The following GPR39 variants were observed in gnomAD, a reference collection of about 807,000 sequenced individuals.
GPR39 encodes zinc sensing receptor.
A neutral mutation model predicts 18.4 loss-of-function variants in GPR39; 23 were observed. The observed-to-expected ratio is 1.25, with a 90% confidence interval of 0.90 to 1.77. GPR39 has a LOEUF of 1.77. Among genes scored for constraint, GPR39 ranks in the 40% most tolerant of loss-of-function variants. The pLI, the probability that GPR39 is intolerant of heterozygous loss-of-function variation, is 0.00. For missense variants in GPR39, 647 were observed against 602.4 expected (o/e 1.07, Z -0.78); for synonymous variants, 280 against 257.9 (o/e 1.09, Z -0.82).
intron 1 of GPR39, among the ~76,000 whole-genome samples, chr2:132,462,500 C>T (rs1680852297): frequency 6.6e-6 from 1 of 152,312 alleles, no homozygotes; most frequent in African/African-American, 2.4e-5. Flanking sequence ...TCAAGGCCCT[C>T]CTGATTTTAC....
At chr2:132,610,564 G>A (rs755336737) in intron 1 of GPR39, among the ~76,000 whole-genome samples, 3 of 152,002 alleles carry the variant, frequency 2.0e-5, no homozygotes, top group Admixed American at 6.6e-5. Flanking sequence ...ATCACTTGAG[G>A]TCAGGAGTTC....
chr2:132,585,102 A>G (rs1280612193), intron 1 of GPR39, among the ~76,000 whole-genome samples: 1 of 152,182 alleles, frequency 6.6e-6, no homozygotes, highest in Non-Finnish European at 1.5e-5. Flanking sequence ...CCCCTGGTAT[A>G]TTAAATAGTA....
At chr2:132,641,711 C>G (rs1255396987) in intron 1 of GPR39, among the ~76,000 whole-genome samples, 3 of 152,096 alleles carry the variant, frequency 2.0e-5, no homozygotes, top group Non-Finnish European at 4.4e-5. Flanking sequence ...TGTTTTCACC[C>G]ATCTCTTTTT....
chr2:132,532,796 C>T (rs1679665668), intron 1 of GPR39, among the ~76,000 whole-genome samples: 1 of 146,924 alleles, frequency 6.8e-6, no homozygotes. Context: ...AATTCAACAA[C>T]CCTTCATGCT....
intron 1 of GPR39, among the ~76,000 whole-genome samples, chr2:132,582,321 C>T (rs760876818): frequency 3.3e-5 from 5 of 152,222 alleles, no homozygotes; most frequent in Admixed American, 6.5e-5. Context: ...AAAGATCCTC[C>T]GTGAGCTGCT....
intron 1 of GPR39, among the ~76,000 whole-genome samples, chr2:132,640,477 G>C (rs1233891990): frequency 6.6e-6 from 1 of 152,214 alleles, no homozygotes. Flanking sequence ...GTGCAAGGCT[G>C]TCTGGAGTAT....
Position 132,645,577 on chromosome 2 carries a change from G to T in GPR39, c.1333G>T (p.Glu445Ter). 6.2e-7 allele frequency: 1 copy of T among 1,613,954 alleles called. No homozygotes were observed. Among genetic ancestry groups the T allele is most frequent in the South Asian group, 1.1e-5 (1 of 91,048 alleles). Residue 445 changes from glutamate (E) to a stop codon, truncating the protein, a stop_gained, in exon 2 of 2, where the codon GAG becomes TAG. Transcript: ENST00000329321. LOFTEE classifies it high-confidence loss of function. Reference protein sequence around the residue: ...SGAKPANSAAENGFQEHEV With the variant: ...SGAKPANSAA ...CGCGAAACCAGCCAATTCTGCTGCA[G>T]AGAATGGTTTTCAGGAGCATGAAGT...
At chr2:132,469,154 T>G (rs1263090428) in intron 1 of GPR39, among the ~76,000 whole-genome samples, 1 of 152,202 alleles carries the variant, frequency 6.6e-6, no homozygotes, top group African/African-American at 2.4e-5. Context: ...GGGTGGAGCC[T>G]CCTCTTGCCC....
At chr2:132,539,508 C>T (rs1194028185) in intron 1 of GPR39, among the ~76,000 whole-genome samples, 1 of 152,142 alleles carries the variant, frequency 6.6e-6, no homozygotes, top group Non-Finnish European at 1.5e-5. Context: ...GTCATTGTGG[C>T]CCCCACTATG....
At chr2:132,599,226 C>T (rs7426245) in intron 1 of GPR39, among the ~76,000 whole-genome samples, 33,203 of 152,112 alleles carry the variant, frequency 0.22, 3,900 homozygotes, top group African/African-American at 0.28. Flanking sequence ...GGATTTTCTT[C>T]TCTTTGGGAC....
chr2:132,608,613 C>T (rs1681183020), intron 1 of GPR39, among the ~76,000 whole-genome samples: 1 of 152,220 alleles, frequency 6.6e-6, no homozygotes, highest in Admixed American at 6.5e-5. Context: ...GATGCCGCTG[C>T]TTCTTGGAAC....
At chr2:132,534,220 C>CA in intron 1 of GPR39, among the ~76,000 whole-genome samples, 1 of 151,930 alleles carries the variant, frequency 6.6e-6, no homozygotes, top group Non-Finnish European at 1.5e-5. Context: ...TTTATGCAGC[C>CA]AAAAAACACA....
chr2:132,545,352 A>C (rs748533509), intron 1 of GPR39, among the ~76,000 whole-genome samples: 46 of 152,236 alleles, frequency 3.0e-4, no homozygotes, highest in Non-Finnish European at 5.4e-4. Flanking sequence ...ATAAACATTG[A>C]GCAGACATCA....
At chr2:132,492,782 CAT>C (rs1289903312) in intron 1 of GPR39, among the ~76,000 whole-genome samples, 1 of 13,256 alleles carries the variant, frequency 7.5e-5, no homozygotes, top group African/African-American at 8.9e-5. Context: ...ATATATATAC[CAT>C]ATATATACCA....
chr2:132,477,833 C>G (rs1465826125), intron 1 of GPR39, among the ~76,000 whole-genome samples: 1 of 152,214 alleles, frequency 6.6e-6, no homozygotes, highest in Non-Finnish European at 1.5e-5. Context: ...CTCTTTTCAT[C>G]TTCCTCCTTT....
intron 1 of GPR39, among the ~76,000 whole-genome samples, chr2:132,476,906 T>C: frequency 6.6e-6 from 1 of 152,114 alleles, no homozygotes; most frequent in Non-Finnish European, 1.5e-5. Flanking sequence ...GGCACTCCTC[T>C]GTGTAGACAC....
At chr2:132,634,089 G>A (rs546225021) in intron 1 of GPR39, among the ~76,000 whole-genome samples, 32 of 151,842 alleles carry the variant, frequency 2.1e-4, no homozygotes, top group South Asian at 6.3e-4. Context: ...GTTGGTGTTC[G>A]TGGTGATGGA....
chr2:132,445,170 A>T (rs4954324), intron 1 of GPR39, among the ~76,000 whole-genome samples: 6 of 152,146 alleles, frequency 3.9e-5, no homozygotes, highest in Non-Finnish European at 7.3e-5. Context: ...CGTACATGTA[A>T]ACTACTGCAT....
At chr2:132,563,591 G>A (rs7561885) in intron 1 of GPR39, among the ~76,000 whole-genome samples, 59,462 of 151,826 alleles carry the variant, frequency 0.39, 13,804 homozygotes, top group East Asian at 0.77. Flanking sequence ...GGATTATGGT[G>A]AATGTGACCA....
Sources: gnomAD v4.1 joint callset for allele counts (sites outside exome capture counted in the v4.1 genomes callset) on GRCh38, gnomAD v4.1.1 for gene constraint, MANE v1.5 for transcripts, NCBI Gene and HGNC (gene_info 2026-07-23, HGNC 2026-07-21) for gene names.